CPS1: variants seen among roughly 807,000 people sequenced by gnomAD.
The protein encoded by CPS1 is carbamoyl-phosphate synthase [ammonia], mitochondrial.
In CPS1, 109 loss-of-function variants were observed where a neutral mutation model predicts 174.6. The ratio of observed to expected loss-of-function variants is 0.62; its 90% CI spans 0.53 to 0.73. The LOEUF is 0.73. Ranked by LOEUF, CPS1 falls within the 30% of genes least tolerant of loss-of-function variation. The pLI is 0.00. For synonymous variants in CPS1, 637 were observed against 632.0 expected, an observed-to-expected ratio of 1.01 and a Z score of -0.12; for missense variants, 1,689 against 1,821.9, an observed-to-expected ratio of 0.93 and a Z score of 1.33.
At chr2:210,492,535 C>T (rs1694898832) in intron 1 of CPS1, among the ~76,000 whole-genome samples, 1 of 151,588 alleles carries the variant, frequency 6.6e-6, no homozygotes, top group South Asian at 2.1e-4. Context: ...GCCTAGAGGG[C>T]AACTGGTAGC....
intron 1 of CPS1, among the ~76,000 whole-genome samples, chr2:210,482,810 A>T (rs1694608305): frequency 6.6e-6 from 1 of 152,176 alleles, no homozygotes; most frequent in African/African-American, 2.4e-5. Context: ...GTATTTCCTA[A>T]TATTTAAAAA....
chr2:210,631,661 G>T (rs1699875901), intron 21 of CPS1, among the ~76,000 whole-genome samples: 2 of 152,184 alleles, frequency 1.3e-5, no homozygotes, highest in Non-Finnish European at 2.9e-5. Flanking sequence ...CAGCCATTTG[G>T]TGTGTTGTTT....
At chr2:210,540,930 C>T (rs1696381661) in intron 1 of CPS1, among the ~76,000 whole-genome samples, 1 of 152,060 alleles carries the variant, frequency 6.6e-6, no homozygotes, top group African/African-American at 2.4e-5. Flanking sequence ...AATGTTATTC[C>T]TTAGTTAGCT....
intron 21 of CPS1, among the ~76,000 whole-genome samples, chr2:210,635,277 C>T (rs1263237202): frequency 6.6e-6 from 1 of 152,112 alleles, no homozygotes; most frequent in Non-Finnish European, 1.5e-5. Context: ...GTTCTCATCC[C>T]TCCACTGCTG....
chr2:210,601,562 A>G (rs1698726346), intron 15 of CPS1, among the ~76,000 whole-genome samples: 2 of 152,128 alleles, frequency 1.3e-5, no homozygotes, highest in Admixed American at 6.6e-5. Flanking sequence ...TTTCATTGCC[A>G]GATTTAATTA....
At chr2:210,670,655 G>T (rs1310614286) in intron 34 of CPS1, among the ~76,000 whole-genome samples, 1 of 152,088 alleles carries the variant, frequency 6.6e-6, no homozygotes, top group Non-Finnish European at 1.5e-5. Flanking sequence ...ATAAATGGGG[G>T]TTAGGGATAG....
At chr2:210,477,704 C>A in exon 1 of CPS1, 1 of 1,606,930 alleles carries the variant, frequency 6.2e-7, no homozygotes. Context: ...TAGTTGCTTT[C>A]TTAGGAAATG....
chr2:210,605,166 A>T lies in CPS1; in HGVS notation c.1901A>T (p.Tyr634Phe). ...KSVTGWKEIE[Y>F]EVVRDADDNC... is the part of the protein sequence containing the mutation. The stretch of plus-strand genomic sequence containing the variant: ...GTGACAGGTTGGAAAGAAATAGAAT[A>T]TGAAGTGGTTCGAGATGCTGATGAC... Residue 634 changes from tyrosine (Y) to phenylalanine (F), a missense_variant, in exon 17 of 38, where the codon TAT becomes TTT. Physicochemically the swap from Tyr to Phe is conservative, Grantham distance 22. Coordinates refer to ENST00000233072, the MANE Select transcript of CPS1 (RefSeq NM_001875.5). 6.2e-7 allele frequency: 1 copy of T among 1,612,234 alleles called. No homozygotes were observed. Among genetic ancestry groups the T allele is most frequent in the South Asian group, 1.1e-5 (1 of 91,056 alleles).
At chr2:210,503,805 T>C (rs1695208860) in intron 1 of CPS1, among the ~76,000 whole-genome samples, 1 of 151,738 alleles carries the variant, frequency 6.6e-6, no homozygotes, top group Admixed American at 6.6e-5. Flanking sequence ...AAGAATTTTA[T>C]GCCGTATCAG....
Position 210,667,312 on chromosome 2 carries a change from T to C in CPS1, c.4003-874T>C, listed in dbSNP as rs186985274. Among the ~76,000 whole-genome samples, 3 of 152,222 alleles carry C rather than the reference T, an allele frequency of 2.0e-5. 1 individual carries two copies. In the East Asian group the frequency reaches 5.8e-4, roughly 29 times the overall value. ...ACTTCCTCTTTTCCTAACTGAATACTCTTTATTTCCTTCTCCTGCCTAATT... is the reference window on the plus strand; with the variant it reads ...ACTTCCTCTTTTCCTAACTGAATACCCTTTATTTCCTTCTCCTGCCTAATT... On this transcript the variant is annotated intron_variant, in intron 33 of 37. Transcript: ENST00000233072.
intron 1 of CPS1, among the ~76,000 whole-genome samples, chr2:210,508,478 C>A (rs1188364049): frequency 1.3e-5 from 2 of 151,812 alleles, no homozygotes; most frequent in Non-Finnish European, 2.9e-5. Context: ...ACTAGAGAAG[C>A]AAGAGCAAAC....
At chr2:210,564,975 A>T (rs1456175416) in intron 1 of CPS1, among the ~76,000 whole-genome samples, 2 of 151,970 alleles carry the variant, frequency 1.3e-5, no homozygotes, top group African/African-American at 2.4e-5. Flanking sequence ...AGCTTGGTCG[A>T]CAGAGAGATT....
rs1411456510 is a variant in CPS1 at position 210,576,455 on chromosome 2, G to A, written c.346G>A (p.Gly116Arg). 6 of 1,613,600 alleles carry A rather than the reference G, an allele frequency of 3.7e-6. No individual in the cohort carries two copies. The highest frequency in any genetic ancestry group is 4.2e-6 in the Non-Finnish European group (5 of 1,179,668). The stretch of plus-strand genomic sequence containing the variant: ...TGATACTACTGCTCTGGATGAACTG[G>A]GACTTAGCAAATATTTGGAGTCTAA... Reference protein sequence around the residue: ...APDTTALDELGLSKYLESNGI... With the variant: ...APDTTALDELRLSKYLESNGI... Residue 116 changes from glycine (G) to arginine (R), a missense_variant, in exon 3 of 38, where the codon GGA becomes AGA. Transcript: ENST00000233072.
chr2:210,537,644 G>A (rs938009441), intron 1 of CPS1, among the ~76,000 whole-genome samples: 27 of 152,116 alleles, frequency 1.8e-4, no homozygotes, highest in African/African-American at 6.0e-4. Flanking sequence ...GTAGTAAGTC[G>A]CCACATTTCT....
chr2:210,524,827 T>C (rs1030314716), intron 1 of CPS1, among the ~76,000 whole-genome samples: 2 of 152,016 alleles, frequency 1.3e-5, no homozygotes, highest in Non-Finnish European at 2.9e-5. Flanking sequence ...GCTTTATTTT[T>C]TGGCTGTTCT....
intron 1 of CPS1, among the ~76,000 whole-genome samples, chr2:210,489,977 G>A (rs1442068951): frequency 3.3e-5 from 4 of 121,382 alleles, no homozygotes; most frequent in Admixed American, 8.6e-5. Context: ...CAGCCTGGGT[G>A]ACAGAGCGAG....
At chr2:210,553,181 G>T (rs1226615696), upstream of CPS1, among the ~76,000 whole-genome samples, 1 of 151,252 alleles carries the variant, frequency 6.6e-6, no homozygotes, top group Non-Finnish European at 1.5e-5. Context: ...CCTCCAAAAA[G>T]CATTATGCAA....
intron 21 of CPS1, among the ~76,000 whole-genome samples, chr2:210,621,470 A>G (rs1699525438): frequency 1.3e-5 from 2 of 152,114 alleles, no homozygotes; most frequent in South Asian, 4.1e-4. Context: ...CTGCTAAGCT[A>G]TTGATATTTT....
chr2:210,636,206 C>T (rs548493732), intron 21 of CPS1, among the ~76,000 whole-genome samples: 50 of 152,118 alleles, frequency 3.3e-4, no homozygotes, highest in African/African-American at 1.1e-3. Context: ...GTTAAAGATG[C>T]TTTTACAGTA....
Sources: gnomAD v4.1 joint callset for allele counts (sites outside exome capture counted in the v4.1 genomes callset) on GRCh38, gnomAD v4.1.1 for gene constraint, MANE v1.5 for transcripts, NCBI Gene and HGNC (gene_info 2026-07-23, HGNC 2026-07-21) for gene names.